DPP6: variants seen among roughly 807,000 people sequenced by gnomAD.
DPP6 encodes A-type potassium channel modulatory protein DPP6.
A neutral mutation model predicts 122.6 loss-of-function variants in DPP6; 69 were observed. The ratio of observed to expected loss-of-function variants is 0.56; its 90% CI spans 0.46 to 0.69. DPP6 has a LOEUF of 0.69. Among genes scored for constraint, DPP6 ranks in the 30% least tolerant of loss-of-function variants. The pLI is 0.00. For missense variants in DPP6, 928 were observed against 1,116.9 expected (o/e 0.83, Z 2.41); for synonymous variants, 418 against 433.1 (o/e 0.97, Z 0.43).
chr7:153,887,438 C>G, exon 1 of DPP6: 1 of 457,190 alleles, frequency 2.2e-6, no homozygotes, highest in Non-Finnish European at 3.9e-6. Context: ...TCCATCCAGG[C>G]TTTTTTTCTT....
the DPP6 span, among the ~76,000 whole-genome samples, chr7:153,813,062 A>G: frequency 3.3e-5 from 5 of 152,074 alleles, no homozygotes; most frequent in Admixed American, 3.3e-4. Context: ...GTACATGTGC[A>G]CAATGTGCAG....
chr7:154,377,514 G>T (rs1324556443), intron 1 of DPP6, among the ~76,000 whole-genome samples: 2 of 152,172 alleles, frequency 1.3e-5, no homozygotes, highest in African/African-American at 4.8e-5. Context: ...AGTGTTCCAG[G>T]AAGGACCAGG....
chr7:154,306,370 G>A (rs1806350135), intron 1 of DPP6, among the ~76,000 whole-genome samples: 1 of 152,206 alleles, frequency 6.6e-6, no homozygotes, highest in Non-Finnish European at 1.5e-5. Context: ...TTTAATCATT[G>A]CTCAGTTCAC....
chr7:154,663,370 A>G (rs1380001964), intron 6 of DPP6, among the ~76,000 whole-genome samples: 13 of 32,354 alleles, frequency 4.0e-4, no homozygotes, highest in East Asian at 2.2e-3. Flanking sequence ...TGTAGTCAAG[A>G]TGAATCACCA....
chr7:154,376,218 G>A (rs1449602086), intron 1 of DPP6, among the ~76,000 whole-genome samples: 3 of 152,202 alleles, frequency 2.0e-5, no homozygotes, highest in Non-Finnish European at 2.9e-5. Context: ...CTGAGCAGAT[G>A]GTGGTCATTA....
intron 3 of DPP6, among the ~76,000 whole-genome samples, chr7:154,518,880 A>G (rs1826748710): frequency 6.6e-6 from 1 of 152,194 alleles, no homozygotes; most frequent in Non-Finnish European, 1.5e-5. Context: ...CAGAAAAGCC[A>G]TATAACCTGT....
At chr7:154,783,683 G>A (rs1028318284) in intron 10 of DPP6, among the ~76,000 whole-genome samples, 16 of 152,112 alleles carry the variant, frequency 1.1e-4, no homozygotes, top group African/African-American at 3.6e-4. Flanking sequence ...TTGTCCCCTC[G>A]AGAGACAGTC....
chr7:154,051,612 C>T (rs1318689612), upstream of DPP6, among the ~76,000 whole-genome samples: 1 of 149,038 alleles, frequency 6.7e-6, no homozygotes, highest in Non-Finnish European at 1.5e-5. Context: ...TCGCTCTCGG[C>T]GGGCACAGTG....
At chr7:154,474,342 C>T (rs1822540228) in intron 2 of DPP6, among the ~76,000 whole-genome samples, 1 of 152,184 alleles carries the variant, frequency 6.6e-6, no homozygotes, top group African/African-American at 2.4e-5. Context: ...AGGCTTATCC[C>T]AAGTGCTTTC....
intron 16 of DPP6, among the ~76,000 whole-genome samples, chr7:154,818,172 A>C (rs1182097005): frequency 6.6e-6 from 1 of 152,192 alleles, no homozygotes; most frequent in Non-Finnish European, 1.5e-5. Flanking sequence ...ACTTCAGAGA[A>C]GAGAAAAGGG....
At chr7:154,304,576 C>CCCT (rs577961783) in intron 1 of DPP6, among the ~76,000 whole-genome samples, 1 of 149,390 alleles carries the variant, frequency 6.7e-6, no homozygotes, top group African/African-American at 2.5e-5. Flanking sequence ...TTTTTTTTTT[C>CCCT]CTCTCTCTCT....
intron 21 of DPP6, among the ~76,000 whole-genome samples, chr7:154,883,205 A>G (rs1281563397): frequency 6.9e-6 from 1 of 145,336 alleles, no homozygotes; most frequent in Non-Finnish European, 1.5e-5. Flanking sequence ...GCTCACACAT[A>G]CACACACATG....
intron 1 of DPP6, among the ~76,000 whole-genome samples, chr7:154,351,942 G>C (rs552398988): frequency 6.6e-6 from 1 of 152,272 alleles, no homozygotes; most frequent in Admixed American, 6.5e-5. Context: ...GAAGGTGGGA[G>C]TGAGGATGAT....
At chr7:154,104,448 G>T (rs1184507739) in intron 1 of DPP6, among the ~76,000 whole-genome samples, 2 of 152,240 alleles carry the variant, frequency 1.3e-5, no homozygotes, top group Non-Finnish European at 2.9e-5. Context: ...CAGTGCCCAT[G>T]GTGGAACGTG....
intron 1 of DPP6, among the ~76,000 whole-genome samples, chr7:154,435,703 G>T (rs1294147711): frequency 1.3e-5 from 2 of 152,186 alleles, no homozygotes; most frequent in African/African-American, 4.8e-5. Context: ...GAAATACAAT[G>T]ATTAGAAGGC....
rs1388063823 is a variant in DPP6, at chr7:154,229,596, A to G, written c.243+176533A>G. 2.0e-5 allele frequency among the ~76,000 whole-genome samples: 3 copies of G among 152,238 alleles called. No homozygotes were observed. The South Asian group carries it at 6.2e-4, about 32-fold the overall frequency. On this transcript the variant is annotated intron_variant, in intron 1 of 25. Coordinates refer to ENST00000377770, the MANE Select transcript of DPP6 (RefSeq NM_130797.4). ...CACTGAGGGCTTCATCTTCAGCATCATCTTGTCTCCTATTAAAACAAGTTT... is the reference window on the plus strand; with the variant it reads ...CACTGAGGGCTTCATCTTCAGCATCGTCTTGTCTCCTATTAAAACAAGTTT...
At chr7:153,858,124 T>C in the DPP6 span, among the ~76,000 whole-genome samples, 1 of 152,230 alleles carries the variant, frequency 6.6e-6, no homozygotes, top group Non-Finnish European at 1.5e-5. Flanking sequence ...TTTTTGCTTT[T>C]TCTTGTTTCT....
the DPP6 span, among the ~76,000 whole-genome samples, chr7:153,750,993 T>C: frequency 6.6e-6 from 1 of 151,766 alleles, no homozygotes; most frequent in South Asian, 2.1e-4. Flanking sequence ...GAGACTGAAA[T>C]GATTGGAGGT....
chr7:154,695,792 C>T (rs894346773), intron 7 of DPP6, among the ~76,000 whole-genome samples: 9 of 152,160 alleles, frequency 5.9e-5, no homozygotes, highest in African/African-American at 1.7e-4. Context: ...CCCTGCGGCA[C>T]GTGGCCTGTC....
Sources: allele counts gnomAD v4.1 joint callset (sites outside exome capture counted in the v4.1 genomes callset), GRCh38; gene constraint gnomAD v4.1.1; transcripts MANE v1.5; gene names NCBI Gene and HGNC (gene_info 2026-07-23, HGNC 2026-07-21).